The following VRK2 variants were observed in gnomAD, a reference collection of about 807,000 sequenced individuals.
The protein encoded by VRK2 is VRK serine/threonine kinase 2.
A neutral mutation model predicts 57.6 loss-of-function variants in VRK2; 60 were observed. The observed-to-expected ratio is 1.04, with a 90% CI of 0.85 to 1.29. The LOEUF (loss-of-function observed/expected upper bound fraction) is 1.29, where lower values mean the gene tolerates loss of function less well. Among genes scored for constraint, VRK2 ranks in the 50% most tolerant of loss-of-function variants. The pLI is 0.00. For synonymous variants in VRK2, 231 were observed against 199.2 expected, an observed-to-expected ratio of 1.16 and a Z score of -1.35; for missense variants, 705 against 588.1, an observed-to-expected ratio of 1.20 and a Z score of -2.06.
chr2:57,913,628 T>C (rs1300393347), intron 1 of VRK2, among the ~76,000 whole-genome samples: 1 of 152,182 alleles, frequency 6.6e-6, no homozygotes, highest in East Asian at 1.9e-4. Context: ...TCTAAAACTT[T>C]AGATGCACTT....
intron 1 of VRK2, among the ~76,000 whole-genome samples, chr2:57,960,719 T>C (rs192587999): frequency 6.6e-6 from 1 of 152,322 alleles, no homozygotes; most frequent in African/African-American, 2.4e-5. Flanking sequence ...AGAAGCAAAG[T>C]AGATTAAAGC....
At chr2:57,994,466 A>G (rs1405823818) in intron 1 of VRK2, among the ~76,000 whole-genome samples, 2 of 152,218 alleles carry the variant, frequency 1.3e-5, no homozygotes, top group African/African-American at 4.8e-5. Context: ...GTTCAAAGGA[A>G]TAAAATAACT....
chr2:58,025,112 T>C (rs957094940), intron 1 of VRK2, among the ~76,000 whole-genome samples: 1 of 152,256 alleles, frequency 6.6e-6, no homozygotes, highest in African/African-American at 2.4e-5. Context: ...TTTAGTAGAG[T>C]GGCTAATAGC....
chr2:58,094,773 TCA>T (rs1374335186), intron 7 of VRK2, among the ~76,000 whole-genome samples: 1 of 152,216 alleles, frequency 6.6e-6, no homozygotes, highest in African/African-American at 2.4e-5. Context: ...TGTCATATAC[TCA>T]GTTTCCTCAT....
intron 7 of VRK2, among the ~76,000 whole-genome samples, chr2:58,091,802 G>A (rs1672418334): frequency 6.6e-6 from 1 of 152,070 alleles, no homozygotes; most frequent in Non-Finnish European, 1.5e-5. Context: ...CAGGAAAAAA[G>A]GCTACCTTTG....
intron 2 of VRK2, among the ~76,000 whole-genome samples, chr2:58,065,748 T>A (rs1325739440): frequency 6.6e-6 from 1 of 152,164 alleles, no homozygotes. Flanking sequence ...ACAGCATGTG[T>A]CCTCATTTCT....
chr2:57,916,122 C>T (rs17049250), intron 1 of VRK2, among the ~76,000 whole-genome samples: 3,141 of 152,004 alleles, frequency 0.021, 120 homozygotes, highest in African/African-American at 0.072. Flanking sequence ...GAATACCCAC[C>T]AAGGGCGGGC....
chr2:58,002,905 G>A (rs1380009970), intron 1 of VRK2, among the ~76,000 whole-genome samples: 1 of 152,172 alleles, frequency 6.6e-6, no homozygotes, highest in Non-Finnish European at 1.5e-5. Context: ...TTTGCATGCA[G>A]ACTTGTAGAA....
At chr2:58,136,892 GTGTA>G (rs1308981313) in intron 10 of VRK2, among the ~76,000 whole-genome samples, 1 of 44,602 alleles carries the variant, frequency 2.2e-5, no homozygotes, top group African/African-American at 1.2e-4. Context: ...TCATATATAT[GTGTA>G]TATATATCAT....
At chr2:58,030,100 C>G (rs1674067440) in intron 2 of VRK2, among the ~76,000 whole-genome samples, 1 of 152,110 alleles carries the variant, frequency 6.6e-6, no homozygotes, top group Non-Finnish European at 1.5e-5. Context: ...TAAGACCTCT[C>G]CCATTATAAA....
Position 57,963,316 on chromosome 2 carries a change from C to T in VRK2, c.-439+55477C>T, listed in dbSNP as rs1428373496. Among the ~76,000 whole-genome samples, 2 of 152,162 alleles carry T rather than the reference C, an allele frequency of 1.3e-5. 1 individual carries two copies. The highest frequency in any genetic ancestry group is 1.3e-4 in the Admixed American group (2 of 15,272). On this transcript the variant is annotated intron_variant, in intron 1 of 15. Transcript: ENST00000417641. Reference sequence around the variant, plus strand: ...CTTAAAAGAAATCAGAATTTGTGTGCTATTCATTCCCTCTCAAAAGCATAT... The same window carrying T: ...CTTAAAAGAAATCAGAATTTGTGTGTTATTCATTCCCTCTCAAAAGCATAT...
At chr2:57,986,594 C>T (rs948858096) in intron 1 of VRK2, among the ~76,000 whole-genome samples, 3 of 136,444 alleles carry the variant, frequency 2.2e-5, no homozygotes, top group South Asian at 2.3e-4. Context: ...ATAGTTCAAT[C>T]GATTTTTTTT....
chr2:58,120,208 TGA>T (rs1677255839), intron 7 of VRK2, among the ~76,000 whole-genome samples: 1 of 126,970 alleles, frequency 7.9e-6, no homozygotes, highest in African/African-American at 3.0e-5. Context: ...TTTTTTTTTT[TGA>T]GACAGAGTCT....
intron 1 of VRK2, among the ~76,000 whole-genome samples, chr2:57,933,902 T>A (rs1490927788): frequency 6.6e-6 from 1 of 151,982 alleles, no homozygotes; most frequent in Non-Finnish European, 1.5e-5. Flanking sequence ...TACTATAGGT[T>A]TGAGTGGTGT....
At chr2:57,932,787 A>G (rs1332054753) in intron 1 of VRK2, among the ~76,000 whole-genome samples, 1 of 151,660 alleles carries the variant, frequency 6.6e-6, no homozygotes, top group African/African-American at 2.4e-5. Flanking sequence ...TGAAGTTTTT[A>G]TTTGATATTT....
At chr2:57,963,436 A>G (rs1365710656) in intron 1 of VRK2, among the ~76,000 whole-genome samples, 1 of 152,236 alleles carries the variant, frequency 6.6e-6, no homozygotes, top group Admixed American at 6.5e-5. Flanking sequence ...TGTTCGGCAA[A>G]TCCTTAAATG....
chr2:58,137,044 A>G (rs188143315), intron 10 of VRK2, among the ~76,000 whole-genome samples: 1 of 129,240 alleles, frequency 7.7e-6, no homozygotes, highest in Non-Finnish European at 1.5e-5. Flanking sequence ...TATCATATAT[A>G]ATATATATGT....
chr2:57,963,817 T>C (rs1558515363), intron 1 of VRK2, among the ~76,000 whole-genome samples: 2 of 152,234 alleles, frequency 1.3e-5, no homozygotes, highest in Non-Finnish European at 1.5e-5. Flanking sequence ...TTGACTGATG[T>C]TGCATATTTA....
intron 1 of VRK2, among the ~76,000 whole-genome samples, chr2:57,941,995 TA>T (rs1671110559): frequency 6.6e-6 from 1 of 152,192 alleles, no homozygotes; most frequent in Non-Finnish European, 1.5e-5. Flanking sequence ...TGGCATGTCT[TA>T]ATTGTTCCCA....
Sources: gnomAD v4.1 joint callset for allele counts (sites outside exome capture counted in the v4.1 genomes callset) on GRCh38, gnomAD v4.1.1 for gene constraint, MANE v1.5 for transcripts, NCBI Gene and HGNC (gene_info 2026-07-23, HGNC 2026-07-21) for gene names.